The following C5 variants were observed in gnomAD, a reference collection of about 807,000 sequenced individuals.
C5 encodes C3 and PZP-like alpha-2-macroglobulin domain-containing protein 4.
C5 carries 140 observed loss-of-function variants against 218.8 expected under a neutral mutation model. The ratio of observed to expected loss-of-function variants is 0.64; its 90% CI spans 0.56 to 0.74. The LOEUF is 0.74. Among genes scored for constraint, C5 ranks in the 30% least tolerant of loss-of-function variants. C5 has a pLI of 0.00. For missense variants in C5, 1,700 were observed against 1,969.6 expected, an observed-to-expected ratio of 0.86 and a Z score of 2.59; for synonymous variants, 614 against 682.3, an observed-to-expected ratio of 0.90 and a Z score of 1.56.
Position 121,014,035 on chromosome 9 carries a change from A to T in C5, c.2095T>A (p.Cys699Ser). Residue 699 changes from cysteine (C) to serine (S), a missense_variant, in exon 17 of 41, where the codon TGT (cysteine) becomes AGT (serine). Transcript: ENST00000223642. ...KYKHSVVKKC[C>S]YDGACVNNDE... ...TTATTAACGCAGGCTCCATCGTAAC[A>T]ACATTTCTTCACTACTGAATGTTTA... 1 of 1,614,190 alleles carries T rather than the reference A, an allele frequency of 6.2e-7. No homozygotes were observed. The highest frequency in any genetic ancestry group is 8.5e-7 in the Non-Finnish European group (1 of 1,180,024).
intron 19 of C5, among the ~76,000 whole-genome samples, chr9:121,006,259 C>T (rs573499878): frequency 2.6e-4 from 39 of 152,082 alleles, no homozygotes; most frequent in Non-Finnish European, 4.6e-4. Context: ...TAACAAAAAA[C>T]TTCATTTATT....
rs754405436 is a variant in C5, at chr9:121,006,967, G to T, written c.2359C>A (p.Gln787Lys). The T allele has an allele frequency of 1.2e-6, 2 of 1,610,520 alleles. No homozygotes were observed. The highest frequency in any genetic ancestry group is 2.7e-5 in the African/African-American group (2 of 74,828). The change falls in exon 19 of 41, where the codon CAG becomes AAG. Residue 787 changes from glutamine (Q) to lysine (K), a missense_variant. Gln to Lys is a moderately conservative substitution (Grantham distance 53). Coordinates refer to ENST00000223642, the MANE Select transcript of C5 (RefSeq NM_001735.3). ...VHLVPRRKQL[Q>K]FALPDSLTTW... ...GTTAGAGAATCAGGTAGGGCAAACT[G>T]CAACTGTTTTCTGGAAGTTAAAATG...
At chr9:120,953,009 T>C (rs10818490) in intron 40 of C5, 141 bp from the exon 41 acceptor site, 103,184 of 813,528 alleles carry the variant, frequency 0.13, 13,288 homozygotes, top group African/African-American at 0.56. Flanking sequence ...CTGCAAGCTC[T>C]GCCTCTCGGG....
chr9:121,006,747 G>A (rs1257271725), intron 19 of C5, among the ~76,000 whole-genome samples, 157 bp downstream of exon 19: 1 of 151,768 alleles, frequency 6.6e-6, no homozygotes, highest in Non-Finnish European at 1.5e-5. Context: ...CAAAGATGTG[G>A]GTATATCCAA....
At chr9:121,042,132 T>C (rs1368490138) in intron 3 of C5, among the ~76,000 whole-genome samples, 1 of 152,210 alleles carries the variant, frequency 6.6e-6, no homozygotes, top group Non-Finnish European at 1.5e-5. Flanking sequence ...CCTTCCCATA[T>C]ATACATCTCT....
chr9:121,034,573 T>C (rs762442541), intron 5 of C5, among the ~76,000 whole-genome samples: 4 of 152,244 alleles, frequency 2.6e-5, no homozygotes, highest in Non-Finnish European at 5.9e-5. Context: ...ACCTGGGTAC[T>C]ATTTTTTCCT....
chr9:121,045,818 G>A (rs2047621703), intron 2 of C5, among the ~76,000 whole-genome samples: 1 of 152,014 alleles, frequency 6.6e-6, no homozygotes, highest in Non-Finnish European at 1.5e-5. Flanking sequence ...TAATATCCAT[G>A]GATTTTTGTG....
intron 4 of C5, among the ~76,000 whole-genome samples, 160 bp from the exon 5 acceptor site, chr9:121,035,054 G>T (rs1370317201): frequency 6.6e-6 from 1 of 152,118 alleles, no homozygotes; most frequent in Non-Finnish European, 1.5e-5. Context: ...TCTGTTAAAT[G>T]TTATAGAAGG....
At chr9:121,029,379 G>A (rs2047454014) in intron 7 of C5, among the ~76,000 whole-genome samples, 1 of 152,198 alleles carries the variant, frequency 6.6e-6, no homozygotes, top group African/African-American at 2.4e-5. Flanking sequence ...CTTACTAGCT[G>A]TATGATTTTG....
At chr9:120,977,422 A>G (rs988320015) in intron 28 of C5, among the ~76,000 whole-genome samples, 1 of 152,240 alleles carries the variant, frequency 6.6e-6, no homozygotes. Context: ...GGTCCCAAGC[A>G]GTTCAGATCA....
chr9:120,998,022 C>G (rs369465241), intron 20 of C5, among the ~76,000 whole-genome samples: 1 of 152,038 alleles, frequency 6.6e-6, no homozygotes. Context: ...AGGCTGATCT[C>G]GAACTCCTGA....
At chr9:121,063,723 G>A in the C5 span, among the ~76,000 whole-genome samples, 30 of 152,158 alleles carry the variant, frequency 2.0e-4, no homozygotes, top group African/African-American at 7.0e-4. Flanking sequence ...GTGGCAATGT[G>A]CAAAATGTTT....
At chr9:121,026,606 T>A (rs375726076) in intron 8 of C5, among the ~76,000 whole-genome samples, 1 of 152,066 alleles carries the variant, frequency 6.6e-6, no homozygotes, top group Non-Finnish European at 1.5e-5. Flanking sequence ...TAAACACCAG[T>A]AGCAACCACA....
the C5 span, among the ~76,000 whole-genome samples, chr9:121,062,488 G>T: frequency 3.7e-4 from 56 of 152,304 alleles, no homozygotes; most frequent in African/African-American, 1.2e-3. Flanking sequence ...GAGTAGCTAA[G>T]TCAGGAGTAA....
chr9:121,043,697 T>G (rs2047600265), intron 2 of C5, among the ~76,000 whole-genome samples: 1 of 120,388 alleles, frequency 8.3e-6, no homozygotes, highest in South Asian at 3.5e-4. Context: ...CATGTCCAGC[T>G]AACTTTTTTT....
chr9:120,957,373 C>T lies in C5; in HGVS notation c.4679-5G>A. 10 of 1,607,788 alleles carry T rather than the reference C, an allele frequency of 6.2e-6. No individual in the cohort carries two copies. The highest frequency in any genetic ancestry group is 7.7e-6 in the Non-Finnish European group (9 of 1,174,854). On this transcript the variant is annotated splice_region_variant and splice_polypyrimidine_tract_variant and intron_variant, in intron 38 of 40. Transcript: ENST00000223642. ...ATGTGATGCTAACTTTATAAGCTGG[C>T]AAAAGACAAACAACAATGAAACAAT...
rs2047128331 is a variant in C5 at position 120,997,674 on chromosome 9, A to G, written c.2663T>C (p.Val888Ala). Residue 888 changes from valine (V) to alanine (A), a missense_variant, in exon 21 of 41, where the codon GTA becomes GCA. Coordinates refer to ENST00000223642, the MANE Select transcript of C5 (RefSeq NM_001735.3). ...TKSSKCVRQK[V>A]EGSSSHLVTF... ...CACCAAGTGACTGGAGGAGCCCTCTACTTTCTGGCGCACACATTTGGAGGA... is the reference window on the plus strand; with the variant it reads ...CACCAAGTGACTGGAGGAGCCCTCTGCTTTCTGGCGCACACATTTGGAGGA... The G allele has an allele frequency of 1.2e-6, 2 of 1,614,052 alleles. No homozygotes were observed. The highest frequency in any genetic ancestry group is 2.2e-5 in the South Asian group (2 of 91,094).
chr9:121,042,710 T>C (rs2047591509), intron 3 of C5, among the ~76,000 whole-genome samples: 1 of 152,236 alleles, frequency 6.6e-6, no homozygotes, highest in Admixed American at 6.5e-5. Context: ...TTTACATTTT[T>C]ACATAACATT....
intron 22 of C5, among the ~76,000 whole-genome samples, chr9:120,993,485 T>C (rs1039064187): frequency 1.3e-5 from 2 of 152,208 alleles, no homozygotes; most frequent in African/African-American, 4.8e-5. Context: ...TGCAGTGGCG[T>C]GATCTTGGCT....
Sources: gnomAD v4.1 joint callset for allele counts (sites outside exome capture counted in the v4.1 genomes callset) on GRCh38, gnomAD v4.1.1 for gene constraint, MANE v1.5 for transcripts, NCBI Gene and HGNC (gene_info 2026-07-23, HGNC 2026-07-21) for gene names.